Variants in MSH4 observed in about 807,000 individuals in gnomAD.
MSH4 encodes mutS protein homolog 4.
In MSH4, 106 loss-of-function variants were observed where a neutral mutation model predicts 113.7. That is an observed-to-expected ratio of 0.93 (90% CI 0.80 to 1.10). MSH4 has a LOEUF of 1.10. MSH4 is among the 50% of genes least tolerant of loss of function. MSH4 has a pLI of 0.00. For synonymous variants in MSH4, 368 were observed against 380.2 expected (o/e 0.97, Z 0.37); for missense variants, 1,061 against 1,093.7 (o/e 0.97, Z 0.42).
At chr1:75,880,021 T>C in intron 12 of MSH4, 29 bp from the exon 13 acceptor site, 1 of 1,128,954 alleles carries the variant, frequency 8.9e-7, no homozygotes, top group Non-Finnish European at 1.3e-6. Context: ...TGCATTTATC[T>C]TGACATTTGT....
At position 75,912,735 on chromosome 1, in the gene MSH4, G is replaced by A; in HGVS notation, c.2659G>A (p.Ala887Thr). Reference protein sequence around the residue: ...RSTPEMERQRAVYHLATRLVQ... With the variant: ...RSTPEMERQRTVYHLATRLVQ... ...TACCCCTGAGATGGAAAGACAGAGA[G>A]CTGTGTACCATCTAGCCACTAGGCT... is the stretch of plus-strand genomic sequence containing the variant. The change falls in exon 20 of 20, where the codon GCT becomes ACT. Residue 887 changes from alanine to threonine, a missense_variant. Transcript: ENST00000263187. 6 of 1,578,852 alleles carry A rather than the reference G, an allele frequency of 3.8e-6. No homozygotes were observed. Among genetic ancestry groups the A allele is most frequent in the Non-Finnish European group, 5.1e-6 (6 of 1,165,408 alleles).
chr1:75,852,793 A>G (rs1345638768), intron 8 of MSH4, among the ~76,000 whole-genome samples: 1 of 152,078 alleles, frequency 6.6e-6, no homozygotes, highest in East Asian at 1.9e-4. Context: ...TGATTTGCAG[A>G]TATTTTCTCC....
intron 7 of MSH4, among the ~76,000 whole-genome samples, chr1:75,835,855 T>C (rs940259458): frequency 6.6e-6 from 1 of 152,222 alleles, no homozygotes; most frequent in Non-Finnish European, 1.5e-5. Context: ...TGCCCAGTAC[T>C]GTGCTGAGAC....
chr1:75,847,082 T>C (rs1367874605), intron 7 of MSH4, among the ~76,000 whole-genome samples: 3 of 152,142 alleles, frequency 2.0e-5, no homozygotes, highest in Admixed American at 6.6e-5. Flanking sequence ...TGCATGCATA[T>C]GAGAGGAAGG....
chr1:75,896,394 C>CACAT (rs571761055), intron 17 of MSH4, among the ~76,000 whole-genome samples: 1,805 of 147,262 alleles, frequency 0.012, 41 homozygotes, highest in African/African-American at 0.018. Flanking sequence ...CACACACACA[C>CACAT]CCTATTGGTC....
Position 75,889,316 on chromosome 1 carries a change from A to G in MSH4, c.2173A>G (p.Thr725Ala), listed in dbSNP as rs1052726121. ...IAKQIFTRISTDDDIETNSST... is the reference protein window; with the variant it reads ...IAKQIFTRISADDDIETNSST... ...TAAACAGATTTTTACAAGAATTAGT[A>G]CTGATGATGATATCGAAACAAATTC... is the stretch of plus-strand genomic sequence containing the variant. Residue 725 changes from threonine (T) to alanine (A), a missense_variant, in exon 16 of 20, where the codon ACT becomes GCT. Transcript: ENST00000263187. The G allele has an allele frequency of 6.5e-7, 1 of 1,542,074 alleles. No individual in the cohort carries two copies.
At chr1:75,851,291 A>G (rs1437685642) in intron 8 of MSH4, among the ~76,000 whole-genome samples, 2 of 137,918 alleles carry the variant, frequency 1.5e-5, no homozygotes, top group Non-Finnish European at 3.2e-5. Context: ...GTATTTTTTT[A>G]TGATTCCATC....
chr1:75,803,697 C>G (rs764031732), intron 1 of MSH4, 34 bp from the exon 2 acceptor site: 1 of 1,442,398 alleles, frequency 6.9e-7, no homozygotes, highest in South Asian at 1.4e-5. Context: ...TAATTCAAAT[C>G]TTTAAGAATT....
At chr1:75,908,959 T>C (rs1652729859) in intron 19 of MSH4, among the ~76,000 whole-genome samples, 1 of 152,198 alleles carries the variant, frequency 6.6e-6, no homozygotes, top group Non-Finnish European at 1.5e-5. Flanking sequence ...CTGCTTCCTC[T>C]AGCATGGTGC....
At chr1:75,840,145 T>C (rs1183000120) in intron 7 of MSH4, among the ~76,000 whole-genome samples, 1 of 151,736 alleles carries the variant, frequency 6.6e-6, no homozygotes, top group African/African-American at 2.4e-5. Flanking sequence ...GAAATACCAT[T>C]TGACCCAGCC....
chr1:75,820,102 T>A (rs1367022217), intron 6 of MSH4, among the ~76,000 whole-genome samples: 1 of 152,166 alleles, frequency 6.6e-6, no homozygotes, highest in Non-Finnish European at 1.5e-5. Context: ...AAGATCATTA[T>A]AGTAAATATT....
intron 7 of MSH4, among the ~76,000 whole-genome samples, chr1:75,840,219 C>T (rs1169225798): frequency 2.1e-5 from 3 of 143,476 alleles, no homozygotes; most frequent in Non-Finnish European, 4.6e-5. Context: ...CACATGCACA[C>T]GTATGTTTAT....
chr1:75,908,742 G>C (rs1038840074), intron 19 of MSH4, among the ~76,000 whole-genome samples: 16 of 152,126 alleles, frequency 1.1e-4, no homozygotes, highest in African/African-American at 3.4e-4. Context: ...TGTTTGCTTA[G>C]AAGTTCTTTG....
intron 5 of MSH4, 38 bp downstream of exon 5, chr1:75,815,174 A>C: frequency 2.8e-6 from 3 of 1,057,924 alleles, no homozygotes; most frequent in Non-Finnish European, 4.1e-6. Flanking sequence ...ACTAGCCCAC[A>C]GCTACCAATA....
chr1:75,875,211 T>G (rs1452853511), intron 9 of MSH4, among the ~76,000 whole-genome samples: 1 of 152,142 alleles, frequency 6.6e-6, no homozygotes, highest in Non-Finnish European at 1.5e-5. Flanking sequence ...ATTTTTAACA[T>G]CAATAATGAG....
At chr1:75,838,642 G>A (rs1650885714) in intron 7 of MSH4, among the ~76,000 whole-genome samples, 1 of 152,040 alleles carries the variant, frequency 6.6e-6, no homozygotes, top group African/African-American at 2.4e-5. Flanking sequence ...ATCTCCCACA[G>A]CATCTCTTGA....
chr1:75,839,402 A>G lies in MSH4; in HGVS notation c.1163-8807A>G, dbSNP rs112652598. Among the ~76,000 whole-genome samples the G allele has an allele frequency of 6.4e-3, 967 of 152,090 alleles. 5 individuals carry two copies. Among genetic ancestry groups the G allele is most frequent in the African/African-American group, 0.022 (923 of 41,456 alleles). On this transcript the variant is annotated intron_variant, in intron 7 of 19. Transcript: ENST00000263187. ...GCTAATTTTTGTATTTTTAATAGAG[A>G]TGGCGTTTCACCATGTTGGCCAGGC...
At chr1:75,833,367 A>G (rs1396284889) in intron 7 of MSH4, among the ~76,000 whole-genome samples, 1 of 152,232 alleles carries the variant, frequency 6.6e-6, no homozygotes, top group African/African-American at 2.4e-5. Context: ...TGCCCAAGGT[A>G]TTTTATATAT....
Position 75,829,312 on chromosome 1 carries a change from G to A in MSH4, c.1162+6731G>A, listed in dbSNP as rs544755731. ...AAGCTCAAACTGGGTGGAGCCCACC[G>A]CAGCTCAAGGAGGCCTGCCTTGCCT... On this transcript the variant is annotated intron_variant, in intron 7 of 19. Coordinates refer to ENST00000263187, the MANE Select transcript of MSH4 (RefSeq NM_002440.4). 2.8e-4 allele frequency among the ~76,000 whole-genome samples: 42 copies of A among 152,328 alleles called. No homozygotes were observed. In the South Asian group the frequency reaches 4.3e-3, roughly 16 times the overall value.
Sources: gnomAD v4.1 joint callset for allele counts (sites outside exome capture counted in the v4.1 genomes callset) on GRCh38, gnomAD v4.1.1 for gene constraint, MANE v1.5 for transcripts, NCBI Gene and HGNC (gene_info 2026-07-23, HGNC 2026-07-21) for gene names.